GSE1: variants seen among roughly 807,000 people sequenced by gnomAD.
GSE1 encodes the protein Gse1 coiled-coil protein, also known as genetic suppressor element 1.
GSE1 carries 32 observed loss-of-function variants against 112.6 expected under a neutral mutation model. That is an observed-to-expected ratio of 0.28 (90% confidence interval 0.21 to 0.38). GSE1 has a LOEUF of 0.38. Ranked by LOEUF, GSE1 falls within the 10% of genes least tolerant of loss-of-function variation. The pLI, the probability that GSE1 is intolerant of heterozygous loss-of-function variation, is 1.00. For synonymous variants in GSE1, 1,115 were observed against 735.6 expected (o/e 1.52, Z -8.35); for missense variants, 2,348 against 1,699.2 (o/e 1.38, Z -6.71).
At position 85,654,775 on chromosome 16, in the gene GSE1, C is replaced by T. The variant is rs370595807; in HGVS notation, c.600-19C>T. ...GTGCACTCACCTGTCCCCACCTTGC[C>T]CACTATCCCCGCCTGCAGCCTCCAG... is the stretch of plus-strand genomic sequence containing the variant. On this transcript the variant is annotated intron_variant, in intron 4 of 15. Transcript: ENST00000253458. The T allele has an allele frequency of 4.4e-6, 7 of 1,575,910 alleles. No individual in the cohort carries two copies. In the African/African-American group the frequency reaches 8.1e-5, roughly 18 times the overall value.
intron 1 of GSE1, among the ~76,000 whole-genome samples, chr16:85,331,545 G>GTATATA (rs2046360052): frequency 8.4e-6 from 1 of 119,530 alleles, no homozygotes; most frequent in Non-Finnish European, 1.6e-5. Context: ...GTGTATATGT[G>GTATATA]TGTATATATG....
chr16:85,324,607 G>C (rs2046187593), intron 1 of GSE1, among the ~76,000 whole-genome samples: 1 of 152,162 alleles, frequency 6.6e-6, no homozygotes, highest in Non-Finnish European at 1.5e-5. Context: ...AATAGCCTAA[G>C]TGGAAACAGC....
At chr16:85,605,545 TG>T (rs1295073261) in intron 1 of GSE1, among the ~76,000 whole-genome samples, 2 of 152,088 alleles carry the variant, frequency 1.3e-5, no homozygotes, top group East Asian at 3.9e-4. Flanking sequence ...CTCACCAAAG[TG>T]GGGGCAGGGG....
intron 1 of GSE1, among the ~76,000 whole-genome samples, chr16:85,317,083 G>A (rs1293994557): frequency 6.6e-6 from 1 of 152,190 alleles, no homozygotes; most frequent in African/African-American, 2.4e-5. Context: ...ATCTTGCCAT[G>A]TGTCTATTTA....
intron 2 of GSE1, among the ~76,000 whole-genome samples, chr16:85,362,314 A>T (rs1194212856): frequency 6.6e-6 from 1 of 152,232 alleles, no homozygotes. Context: ...CGCATGCAGT[A>T]TAAAATCTAT....
chr16:85,495,426 A>G (rs1439430288), intron 2 of GSE1, among the ~76,000 whole-genome samples: 1 of 137,796 alleles, frequency 7.3e-6, no homozygotes, highest in African/African-American at 2.7e-5. Flanking sequence ...CATGCTGGGA[A>G]CATTTTATTT....
chr16:85,357,422 G>A (rs1377782725), intron 1 of GSE1: 5 of 1,147,444 alleles, frequency 4.4e-6, no homozygotes, highest in Middle Eastern at 4.0e-4. Flanking sequence ...TCCCCTGCAG[G>A]CATGGCCCAG....
At chr16:85,556,232 C>A in exon 1 of GSE1, 2 of 984,972 alleles carry the variant, frequency 2.0e-6, no homozygotes, top group Non-Finnish European at 2.4e-6. Context: ...TTTTGAGCGC[C>A]GTGGCTTGAA....
At chr16:85,197,547 C>T (rs1056372449) in intron 1 of GSE1, among the ~76,000 whole-genome samples, 1 of 152,242 alleles carries the variant, frequency 6.6e-6, no homozygotes, top group Non-Finnish European at 1.5e-5. Flanking sequence ...AGGTCTTCCA[C>T]TTGGTTCCAG....
intron 1 of GSE1, among the ~76,000 whole-genome samples, chr16:85,604,599 T>C (rs1251754469): frequency 6.7e-6 from 1 of 149,252 alleles, no homozygotes; most frequent in Non-Finnish European, 1.5e-5. Flanking sequence ...CTTCCCCCCG[T>C]TGATGGTCAC....
intron 2 of GSE1, among the ~76,000 whole-genome samples, chr16:85,426,588 G>A (rs2151751366): frequency 7.0e-6 from 1 of 142,108 alleles, no homozygotes; most frequent in South Asian, 2.2e-4. Context: ...GTGGATGGGT[G>A]AATGAATGGA....
intron 2 of GSE1, among the ~76,000 whole-genome samples, chr16:85,376,903 C>G (rs1007875900): frequency 1.3e-5 from 2 of 152,230 alleles, no homozygotes; most frequent in African/African-American, 4.8e-5. Flanking sequence ...CACCGCACAC[C>G]GCACACCCGG....
At chr16:85,497,997 G>T (rs575864626) in intron 2 of GSE1, among the ~76,000 whole-genome samples, 3 of 151,876 alleles carry the variant, frequency 2.0e-5, no homozygotes, top group Non-Finnish European at 2.9e-5. Flanking sequence ...GGGACCCCAC[G>T]CCCTGACCAC....
In GSE1 at chr16:85,509,232, G is replaced by A. The variant is rs552308972; in HGVS notation, c.2465-124682G>A. ...GCACGTGGACGCAAGGGGGCAGGAA[G>A]GGTTGGATCCATGCCAGGGACAGCT... On this transcript the variant is annotated intron_variant, in intron 2 of 2. Transcript: ENST00000637419. Among the ~76,000 whole-genome samples, 176 of 152,358 alleles carry A rather than the reference G, an allele frequency of 1.2e-3. 2 individuals are homozygous for A. Among genetic ancestry groups the A allele is most frequent in the African/African-American group, 3.8e-3 (159 of 41,578 alleles).
intron 2 of GSE1, among the ~76,000 whole-genome samples, chr16:85,512,004 G>C (rs567147539): frequency 1.3e-5 from 2 of 152,192 alleles, no homozygotes; most frequent in Admixed American, 1.3e-4. Flanking sequence ...TGTAGTCAGG[G>C]TCTCCACGCA....
chr16:85,331,323 CTGTGTGTGTGTGTGTG>C lies in GSE1; in HGVS notation c.2284-26112_2284-26097del, dbSNP rs71151278. On this transcript the variant is annotated intron_variant, in intron 1 of 2. Transcript: ENST00000637419. Reference sequence around the variant, plus strand: ...ACATGCCACCATGCCCAGCTAATTTCTGTGTGTGTGTGTGTGTGTGTGTGTGTGTGTGTGTGTGTGT... The same window carrying C: ...ACATGCCACCATGCCCAGCTAATTTCTGTGTGTGTGTGTGTGTGTGTGTGT... 7.5e-4 allele frequency among the ~76,000 whole-genome samples: 63 copies of C among 84,514 alleles called. 2 individuals carry two copies. Among genetic ancestry groups the C allele is most frequent in the Admixed American group, 5.8e-3 (45 of 7,768 alleles). The allele number at this position is 84,514 out of a possible 152,430, so 55.4% of individuals were successfully genotyped here. A position where few individuals can be genotyped will look rare whatever the true frequency, so the allele number is the denominator to read the frequency against.
chr16:85,449,649 G>T (rs1049229426), intron 2 of GSE1, among the ~76,000 whole-genome samples: 29 of 152,244 alleles, frequency 1.9e-4, no homozygotes, highest in African/African-American at 7.0e-4. Flanking sequence ...CAGCTGAGAT[G>T]CATTCAGGAA....
intron 1 of GSE1, among the ~76,000 whole-genome samples, chr16:85,190,409 T>C (rs933469681): frequency 6.6e-6 from 1 of 152,284 alleles, no homozygotes; most frequent in Non-Finnish European, 1.5e-5. Context: ...TCATTTCTTA[T>C]ACAAAGTATC....
At chr16:85,285,411 G>C (rs1193619776) in intron 1 of GSE1, 1 of 152,234 alleles carries the variant, frequency 6.6e-6, no homozygotes, top group Non-Finnish European at 1.5e-5. Flanking sequence ...GCCAAGCATG[G>C]TGGCTCATGT....
Sources: allele counts gnomAD v4.1 joint callset (sites outside exome capture counted in the v4.1 genomes callset), GRCh38; gene constraint gnomAD v4.1.1; transcripts MANE v1.5; gene names NCBI Gene and HGNC (gene_info 2026-07-23, HGNC 2026-07-21).